The following SHOC2 variants were observed in gnomAD, a reference collection of about 807,000 sequenced individuals.
The protein encoded by SHOC2 is leucine-rich repeat protein SHOC-2.
In SHOC2, 4 loss-of-function variants were observed where a neutral mutation model predicts 50.2. The observed-to-expected ratio is 0.08, with a 90% confidence interval of 0.04 to 0.18. SHOC2 has a LOEUF of 0.18. Ranked by LOEUF, SHOC2 falls within the 10% of genes least tolerant of loss-of-function variation. The probability of loss-of-function intolerance (pLI) is 1.00; values close to 1 mark genes in which losing one functional copy is unlikely to be tolerated. For missense variants in SHOC2, 388 were observed against 669.6 expected, an observed-to-expected ratio of 0.58 and a Z score of 4.64; for synonymous variants, 218 against 244.5, an observed-to-expected ratio of 0.89 and a Z score of 1.01.
At chr10:110,930,735 C>CTTTTTTTTTTTTTTTTTTTTTTTTTTT (rs772553111) in intron 1 of SHOC2, among the ~76,000 whole-genome samples, 1 of 96,806 alleles carries the variant, frequency 1.0e-5, no homozygotes. Flanking sequence ...ACGAGTAAAT[C>CTTTTTTTTTTTTTTTTTTTTTTTTTTT]TTTTTTTTTT....
chr10:110,970,965 A>G (rs1021095162), intron 2 of SHOC2, among the ~76,000 whole-genome samples: 1 of 152,114 alleles, frequency 6.6e-6, no homozygotes, highest in African/African-American at 2.4e-5. Flanking sequence ...ATCTATTGTC[A>G]GATGAGTAGT....
At chr10:110,979,022 T>G (rs1288103529) in intron 2 of SHOC2, among the ~76,000 whole-genome samples, 2 of 152,238 alleles carry the variant, frequency 1.3e-5, no homozygotes. Context: ...TGTTATCTTA[T>G]AGTTTCTTTG....
At chr10:110,933,976 G>A (rs1373457338) in intron 1 of SHOC2, among the ~76,000 whole-genome samples, 1 of 152,128 alleles carries the variant, frequency 6.6e-6, no homozygotes, top group African/African-American at 2.4e-5. Context: ...GCTATTAGCT[G>A]TATTTTGTTT....
intron 1 of SHOC2, among the ~76,000 whole-genome samples, 156 bp downstream of exon 1, chr10:110,919,813 C>T (rs978836041): frequency 2.0e-5 from 3 of 150,852 alleles, no homozygotes; most frequent in African/African-American, 7.3e-5. Flanking sequence ...CCCGAGGGGC[C>T]GGGGCCCTGG....
chr10:110,925,294 A>T (rs1846744892), intron 1 of SHOC2, among the ~76,000 whole-genome samples: 1 of 152,086 alleles, frequency 6.6e-6, no homozygotes, highest in Non-Finnish European at 1.5e-5. Context: ...GTCAGACTGT[A>T]TGGTCAACAG....
chr10:110,980,996 A>C (rs1847965872), intron 2 of SHOC2, among the ~76,000 whole-genome samples: 1 of 152,198 alleles, frequency 6.6e-6, no homozygotes, highest in Non-Finnish European at 1.5e-5. Flanking sequence ...TTTCATGTAG[A>C]TGGAAACTTG....
chr10:110,951,487 A>G (rs1185422553), intron 1 of SHOC2: 4 of 152,206 alleles, frequency 2.6e-5, no homozygotes, highest in African/African-American at 9.6e-5. Context: ...TTCATAAAAA[A>G]ATTAAAAAGA....
chr10:110,970,330 A>G (rs914180223), intron 2 of SHOC2, among the ~76,000 whole-genome samples: 2 of 152,168 alleles, frequency 1.3e-5, no homozygotes, highest in African/African-American at 4.8e-5. Context: ...TTCACTTAAC[A>G]TAATGTCCTT....
At chr10:110,940,152 A>T (rs1015896083) in intron 1 of SHOC2, among the ~76,000 whole-genome samples, 1 of 151,766 alleles carries the variant, frequency 6.6e-6, no homozygotes, top group Non-Finnish European at 1.5e-5. Context: ...TAGGAGAAAA[A>T]TTTTTTTTTG....
intron 3 of SHOC2, among the ~76,000 whole-genome samples, chr10:110,992,669 A>G (rs1048412236): frequency 6.6e-6 from 1 of 152,222 alleles, no homozygotes; most frequent in Non-Finnish European, 1.5e-5. Flanking sequence ...AATTATGGTT[A>G]TATCAACAAG....
chr10:110,992,115 T>G (rs1249903434), intron 3 of SHOC2, among the ~76,000 whole-genome samples: 1 of 152,218 alleles, frequency 6.6e-6, no homozygotes, highest in Non-Finnish European at 1.5e-5. Context: ...TTTTACTTTT[T>G]TCTTTATTTA....
intron 1 of SHOC2, among the ~76,000 whole-genome samples, chr10:110,940,247 A>C (rs1246285445): frequency 6.6e-6 from 1 of 152,140 alleles, no homozygotes; most frequent in Non-Finnish European, 1.5e-5. Context: ...TGCCTTTCCT[A>C]ATCTTGTTTC....
intron 2 of SHOC2, among the ~76,000 whole-genome samples, chr10:110,978,778 C>A (rs895000364): frequency 6.6e-6 from 1 of 152,226 alleles, no homozygotes; most frequent in South Asian, 2.1e-4. Flanking sequence ...AGTATCCAAC[C>A]TTGAATTCCA....
At chr10:110,969,810 C>T (rs1029310914) in intron 2 of SHOC2, among the ~76,000 whole-genome samples, 1 of 152,032 alleles carries the variant, frequency 6.6e-6, no homozygotes, top group Non-Finnish European at 1.5e-5. Flanking sequence ...GGAAAATTAT[C>T]TAATATATTA....
At chr10:110,959,410 G>A (rs1385269252) in intron 1 of SHOC2, among the ~76,000 whole-genome samples, 3 of 152,226 alleles carry the variant, frequency 2.0e-5, no homozygotes, top group Non-Finnish European at 4.4e-5. Context: ...AGGTTGTACA[G>A]TATGCAAGGA....
Position 111,000,482 on chromosome 10 carries a change from A to C in SHOC2, c.909A>C (p.Leu303Phe). The C allele has an allele frequency of 6.2e-7, 1 of 1,612,190 alleles. No homozygotes were observed. Among genetic ancestry groups the C allele is most frequent in the South Asian group, 1.1e-5 (1 of 91,058 alleles). Residue 303 changes from leucine to phenylalanine, a missense_variant, in exon 4 of 9, where the codon TTA (leucine) becomes TTC (phenylalanine). By Grantham distance (22) the Leu-to-Phe change is conservative. Coordinates refer to ENST00000369452, the MANE Select transcript of SHOC2 (RefSeq NM_007373.4). The stretch of plus-strand genomic sequence containing the variant: ...GACTGTCAGCAATACCCAGATCATT[A>C]GCAAAATGCAGTGCACTTGAAGAAT... ...YNRLSAIPRS[L>F]AKCSALEELN...
chr10:110,999,784 T>C (rs1848336131), intron 3 of SHOC2, among the ~76,000 whole-genome samples: 1 of 150,622 alleles, frequency 6.6e-6, no homozygotes, highest in Non-Finnish European at 1.5e-5. Context: ...GAAAGTGCTC[T>C]TCTGTTTATT....
In SHOC2 at chr10:111,011,599, T is replaced by C; in HGVS notation, c.1541-11T>C. On this transcript the variant is annotated splice_polypyrimidine_tract_variant and intron_variant, in intron 8 of 8. Coordinates refer to ENST00000369452, the MANE Select transcript of SHOC2 (RefSeq NM_007373.4). Reference sequence around the variant, plus strand: ...AATTTTTAAAAAAAAATTGATTTTTTTTTTAAACAGGTACACTGGAGAACC... The same window carrying C: ...AATTTTTAAAAAAAAATTGATTTTTCTTTTAAACAGGTACACTGGAGAACC... The C allele has an allele frequency of 6.2e-7, 1 of 1,606,896 alleles. No homozygotes were observed. Among genetic ancestry groups the C allele is most frequent in the East Asian group, 2.2e-5 (1 of 44,854 alleles).
intron 1 of SHOC2, among the ~76,000 whole-genome samples, chr10:110,921,888 T>C (rs1029822701): frequency 6.6e-6 from 1 of 152,138 alleles, no homozygotes; most frequent in East Asian, 1.9e-4. Flanking sequence ...ATATAATTTT[T>C]AAGTTCAAAA....
Sources: gnomAD v4.1 joint callset for allele counts (sites outside exome capture counted in the v4.1 genomes callset) on GRCh38, gnomAD v4.1.1 for gene constraint, MANE v1.5 for transcripts, NCBI Gene and HGNC (gene_info 2026-07-23, HGNC 2026-07-21) for gene names.